The following WDR49 variants were observed in gnomAD, a reference collection of about 807,000 sequenced individuals.
WDR49 encodes cilia- and flagella-associated protein 337.
Under a neutral mutation model 119.5 loss-of-function variants are expected in WDR49, and 107 were observed. The ratio of observed to expected loss-of-function variants is 0.90; its 90% CI spans 0.77 to 1.05. The LOEUF is 1.05. Ranked by LOEUF, WDR49 falls within the 50% of genes least tolerant of loss-of-function variation. The pLI, the probability that WDR49 is intolerant of heterozygous loss-of-function variation, is 0.00. For synonymous variants in WDR49, 425 were observed against 418.8 expected (o/e 1.01, Z -0.18); for missense variants, 1,240 against 1,220.5 (o/e 1.02, Z -0.24).
rs1431287617 is a variant in WDR49, at chr3:167,621,557, G to C, written c.693C>G (p.Gly231=). The part of the protein sequence containing the change: ...EEFACQYKLQ[G]LKGTPICMDY... ...CCATGCAAATTGGTGTTCCTTTCAG[G>C]CCTTGGAGTTTGTATTGGCAAGCAA... The change falls in exon 4 of 19, where the codon GGC becomes GGG. Residue 231 remains glycine, a synonymous_variant. Coordinates refer to ENST00000682715, the MANE Select transcript of WDR49 (RefSeq NM_001366157.1). 6.5e-7 allele frequency: 1 copy of C among 1,535,446 alleles called. No homozygotes were observed. The highest frequency in any genetic ancestry group is 2.0e-5 in the Admixed American group (1 of 50,970).
intron 2 of WDR49, among the ~76,000 whole-genome samples, chr3:167,652,131 T>C (rs1302023675): frequency 6.6e-6 from 1 of 152,176 alleles, no homozygotes; most frequent in Non-Finnish European, 1.5e-5. Context: ...CAAATGAGGT[T>C]GGTTGAATAG....
At chr3:167,593,749 T>C (rs1311182076) in intron 7 of WDR49, among the ~76,000 whole-genome samples, 4 of 152,142 alleles carry the variant, frequency 2.6e-5, no homozygotes, top group South Asian at 2.1e-4. Context: ...CTATCTGATA[T>C]GGTTGGCTCT....
chr3:167,516,735 G>A (rs903199098), intron 16 of WDR49, among the ~76,000 whole-genome samples: 8 of 152,058 alleles, frequency 5.3e-5, no homozygotes, highest in South Asian at 2.1e-4. Flanking sequence ...TTAAACTAAC[G>A]ACCTTCTGCA....
intron 2 of WDR49, among the ~76,000 whole-genome samples, chr3:167,631,778 C>T (rs1332162980): frequency 6.6e-6 from 1 of 151,998 alleles, no homozygotes; most frequent in Non-Finnish European, 1.5e-5. Context: ...ACTGCTAAGC[C>T]ATAATTTCAC....
intron 5 of WDR49, among the ~76,000 whole-genome samples, chr3:167,617,122 A>G (rs987836205): frequency 7.2e-5 from 11 of 152,206 alleles, no homozygotes; most frequent in African/African-American, 2.7e-4. Flanking sequence ...AAATAATGCA[A>G]TGAAGAGTCC....
chr3:167,540,461 G>A (rs75745566), intron 10 of WDR49, among the ~76,000 whole-genome samples: 4,626 of 152,136 alleles, frequency 0.03, 221 homozygotes, highest in African/African-American at 0.11. Context: ...AGTCTGGCTC[G>A]TAGGAAGCCC....
At chr3:167,614,734 A>G (rs973294284) in intron 5 of WDR49, among the ~76,000 whole-genome samples, 1 of 152,208 alleles carries the variant, frequency 6.6e-6, no homozygotes, top group Non-Finnish European at 1.5e-5. Flanking sequence ...CAGATATTTT[A>G]TCCTTAGCTT....
chr3:167,507,210 A>C (rs1350904982), intron 16 of WDR49, among the ~76,000 whole-genome samples: 1 of 152,170 alleles, frequency 6.6e-6, no homozygotes, highest in Non-Finnish European at 1.5e-5. Context: ...GGAGAGTATT[A>C]ACATAAATTA....
chr3:167,497,333 G>A (rs1560250954), intron 18 of WDR49, among the ~76,000 whole-genome samples: 1 of 151,828 alleles, frequency 6.6e-6, no homozygotes, highest in Admixed American at 6.6e-5. Flanking sequence ...GGGAAGTAAA[G>A]GAAGAAAAAT....
intron 2 of WDR49, among the ~76,000 whole-genome samples, chr3:167,646,185 C>CTG (rs1243894369): frequency 6.6e-6 from 1 of 152,068 alleles, no homozygotes; most frequent in Non-Finnish European, 1.5e-5. Context: ...GACTAAACAC[C>CTG]TGTGTGTGTG....
chr3:167,597,945 T>C (rs983006209), intron 7 of WDR49, among the ~76,000 whole-genome samples: 3 of 152,112 alleles, frequency 2.0e-5, no homozygotes, highest in African/African-American at 4.8e-5. Context: ...ATTAGGCTTT[T>C]TGGGTTAATA....
chr3:167,532,834 G>C (rs1309329919), intron 12 of WDR49, 45 bp downstream of exon 12: 2 of 1,444,694 alleles, frequency 1.4e-6, no homozygotes, highest in African/African-American at 2.8e-5. Context: ...CAGGCCTACT[G>C]TGATTTGACT....
chr3:167,523,399 C>A (rs1752524103), intron 15 of WDR49, among the ~76,000 whole-genome samples: 1 of 149,200 alleles, frequency 6.7e-6, no homozygotes. Context: ...TTTTTTTCCA[C>A]CTTAAGTTCT....
intron 11 of WDR49, 65 bp from the exon 12 acceptor site, chr3:167,533,042 C>T: frequency 1.7e-6 from 2 of 1,201,750 alleles, no homozygotes; most frequent in Non-Finnish European, 2.4e-6. Flanking sequence ...TGAGCAACAG[C>T]AATCAGAAGA....
chr3:167,486,532 C>T (rs1750925855), intron 18 of WDR49, among the ~76,000 whole-genome samples: 1 of 152,122 alleles, frequency 6.6e-6, no homozygotes, highest in Non-Finnish European at 1.5e-5. Flanking sequence ...ACAATGCCTA[C>T]AGCCTCACAG....
chr3:167,577,546 T>A (rs1714311040), intron 7 of WDR49, among the ~76,000 whole-genome samples: 1 of 152,106 alleles, frequency 6.6e-6, no homozygotes, highest in South Asian at 2.1e-4. Flanking sequence ...TCTGAGTTTT[T>A]AATGTAGTGT....
At chr3:167,613,015 G>A (rs1716416523) in intron 5 of WDR49, among the ~76,000 whole-genome samples, 1 of 152,098 alleles carries the variant, frequency 6.6e-6, no homozygotes, top group South Asian at 2.1e-4. Context: ...CAATAATAAT[G>A]TAATTGTATA....
chr3:167,626,304 T>A (rs1219001230), intron 3 of WDR49, among the ~76,000 whole-genome samples: 1 of 151,992 alleles, frequency 6.6e-6, no homozygotes, highest in African/African-American at 2.4e-5. Flanking sequence ...TGGGTGCATT[T>A]GAAAATTTTC....
chr3:167,585,182 T>A (rs1446003591), intron 7 of WDR49, among the ~76,000 whole-genome samples: 1 of 152,104 alleles, frequency 6.6e-6, no homozygotes, highest in Non-Finnish European at 1.5e-5. Context: ...TTTTTGTTCA[T>A]CAGGTTCACA....
Sources: allele counts gnomAD v4.1 joint callset (sites outside exome capture counted in the v4.1 genomes callset), GRCh38; gene constraint gnomAD v4.1.1; transcripts MANE v1.5; gene names NCBI Gene and HGNC (gene_info 2026-07-23, HGNC 2026-07-21).